GALNT13: variants seen among roughly 807,000 people sequenced by gnomAD.
GALNT13 encodes UDP-GalNAc:polypeptide N-acetylgalactosaminyltransferase 13.
Under a neutral mutation model 64.2 loss-of-function variants are expected in GALNT13, and 28 were observed. The observed-to-expected ratio is 0.44, with a 90% CI of 0.32 to 0.60. The LOEUF (loss-of-function observed/expected upper bound fraction) is 0.60. GALNT13 is among the 20% of genes least tolerant of loss of function. The pLI, the probability that GALNT13 is intolerant of heterozygous loss-of-function variation, is 0.05. For synonymous variants in GALNT13, 214 were observed against 224.6 expected (o/e 0.95, Z 0.42); for missense variants, 577 against 669.8 (o/e 0.86, Z 1.53).
At chr2:153,983,848 A>C (rs1452266030) in intron 3 of GALNT13, among the ~76,000 whole-genome samples, 1 of 151,964 alleles carries the variant, frequency 6.6e-6, no homozygotes, top group African/African-American at 2.4e-5. Context: ...CAATAAAGGT[A>C]TCACTTACCT....
At chr2:153,143,648 G>A in the GALNT13 span, among the ~76,000 whole-genome samples, 2 of 152,026 alleles carry the variant, frequency 1.3e-5, no homozygotes, top group Non-Finnish European at 2.9e-5. Context: ...TAATTTGGTA[G>A]ATGGAAACAT....
At chr2:153,734,707 C>T in the GALNT13 span, among the ~76,000 whole-genome samples, 1 of 152,254 alleles carries the variant, frequency 6.6e-6, no homozygotes, top group African/African-American at 2.4e-5. Flanking sequence ...GCACTGATTC[C>T]TCCCTAGACT....
chr2:153,813,549 G>A, the GALNT13 span, among the ~76,000 whole-genome samples: 1,891 of 151,962 alleles, frequency 0.012, 42 homozygotes, highest in African/African-American at 0.042. Flanking sequence ...TGTCATCAGA[G>A]GACCTAGAAA....
chr2:154,354,940 A>C (rs77360263), intron 9 of GALNT13, among the ~76,000 whole-genome samples: 8 of 141,242 alleles, frequency 5.7e-5, no homozygotes, highest in Non-Finnish European at 7.6e-5. Flanking sequence ...CTCTGACACT[A>C]ACTTTCTACC....
the GALNT13 span, among the ~76,000 whole-genome samples, chr2:153,662,258 C>T: frequency 6.6e-6 from 1 of 152,126 alleles, no homozygotes; most frequent in Non-Finnish European, 1.5e-5. Flanking sequence ...AGGGCTATCC[C>T]ATGTCCAGAT....
At chr2:154,449,878 G>A (rs1000184458) in intron 12 of GALNT13, among the ~76,000 whole-genome samples, 1 of 151,852 alleles carries the variant, frequency 6.6e-6, no homozygotes, top group Admixed American at 6.6e-5. Flanking sequence ...TATCAAGTAA[G>A]ACAGATTATT....
intron 3 of GALNT13, among the ~76,000 whole-genome samples, chr2:153,979,373 T>A (rs1694298159): frequency 1.3e-5 from 2 of 152,072 alleles, no homozygotes; most frequent in Admixed American, 1.3e-4. Context: ...TTTGAACAGA[T>A]CAATATCTGT....
At chr2:154,340,114 C>T (rs1290135299) in intron 9 of GALNT13, among the ~76,000 whole-genome samples, 2 of 152,148 alleles carry the variant, frequency 1.3e-5, no homozygotes, top group Non-Finnish European at 2.9e-5. Context: ...TTTCCTAAGA[C>T]AGCCAGGCAT....
the GALNT13 span, among the ~76,000 whole-genome samples, chr2:153,375,302 A>T: frequency 6.6e-6 from 1 of 152,052 alleles, no homozygotes; most frequent in Non-Finnish European, 1.5e-5. Context: ...GAATCTGCTT[A>T]TCAAATTTAA....
the GALNT13 span, among the ~76,000 whole-genome samples, chr2:153,706,891 T>C: frequency 6.6e-6 from 1 of 152,194 alleles, no homozygotes; most frequent in African/African-American, 2.4e-5. Context: ...AAGACTAGTA[T>C]GATTTGGCTG....
chr2:153,177,717 T>C, the GALNT13 span, among the ~76,000 whole-genome samples: 1 of 152,164 alleles, frequency 6.6e-6, no homozygotes, highest in African/African-American at 2.4e-5. Context: ...TATCTTTTTG[T>C]GGTGAGAACA....
At chr2:153,955,930 T>C (rs1692535360) in intron 3 of GALNT13, among the ~76,000 whole-genome samples, 1 of 152,160 alleles carries the variant, frequency 6.6e-6, no homozygotes, top group Non-Finnish European at 1.5e-5. Flanking sequence ...CACACTACCG[T>C]AGCATTGGTA....
chr2:153,369,746 C>T, the GALNT13 span, among the ~76,000 whole-genome samples: 5 of 152,110 alleles, frequency 3.3e-5, no homozygotes, highest in African/African-American at 1.2e-4. Flanking sequence ...TAGGGAAATT[C>T]AGATATCATA....
the GALNT13 span, among the ~76,000 whole-genome samples, chr2:153,124,566 C>T: frequency 3.3e-5 from 5 of 152,068 alleles, no homozygotes; most frequent in East Asian, 1.9e-4. Flanking sequence ...AGTGCAGTGG[C>T]GCAATCTCAG....
Position 153,920,689 on chromosome 2 carries a change from A to G in GALNT13, c.-105+19682A>G, listed in dbSNP as rs562324227. ...CCAAAGGAAACTATCAACAGAACAAACAGACAATCTACAGAATATGAGAAA... is the reference window on the plus strand; with the variant it reads ...CCAAAGGAAACTATCAACAGAACAAGCAGACAATCTACAGAATATGAGAAA... On this transcript the variant is annotated intron_variant, in intron 2 of 12. Coordinates refer to ENST00000392825, the MANE Select transcript of GALNT13 (RefSeq NM_052917.4). Among the ~76,000 whole-genome samples, 3 of 152,288 alleles carry G rather than the reference A, an allele frequency of 2.0e-5. No homozygotes were observed. The South Asian group carries it at 6.2e-4, about 32-fold the overall frequency.
chr2:154,301,795 CT>C (rs965960979), intron 9 of GALNT13, among the ~76,000 whole-genome samples: 67 of 149,250 alleles, frequency 4.5e-4, no homozygotes, highest in African/African-American at 1.5e-3. Context: ...TAAATATTAT[CT>C]TTTTTTTTTC....
At chr2:153,111,753 C>T in the GALNT13 span, among the ~76,000 whole-genome samples, 1 of 152,038 alleles carries the variant, frequency 6.6e-6, no homozygotes, top group East Asian at 1.9e-4. Context: ...ATAGACCATA[C>T]TAATACTATC....
intron 1 of GALNT13, among the ~76,000 whole-genome samples, chr2:153,872,535 C>T (rs1686024094): frequency 6.8e-6 from 1 of 146,748 alleles, no homozygotes; most frequent in African/African-American, 2.5e-5. Flanking sequence ...GCAGGTGTTG[C>T]GGGAGGACCG....
At chr2:153,629,889 A>G in the GALNT13 span, among the ~76,000 whole-genome samples, 1 of 148,634 alleles carries the variant, frequency 6.7e-6, no homozygotes, top group Non-Finnish European at 1.5e-5. Context: ...CAAAAAACAC[A>G]TGAAAAAATG....
Sources: gnomAD v4.1 joint callset for allele counts (sites outside exome capture counted in the v4.1 genomes callset) on GRCh38, gnomAD v4.1.1 for gene constraint, MANE v1.5 for transcripts, NCBI Gene and HGNC (gene_info 2026-07-23, HGNC 2026-07-21) for gene names.